The following PDLIM5 variants were observed in gnomAD, a reference collection of about 807,000 sequenced individuals.
PDLIM5 encodes the protein PDZ and LIM domain protein 5.
Under a neutral mutation model 64.2 loss-of-function variants are expected in PDLIM5, and 34 were observed. That is an observed-to-expected ratio of 0.53 (90% CI 0.40 to 0.71). The LOEUF (loss-of-function observed/expected upper bound fraction) is 0.71, where lower values mean the gene tolerates loss of function less well. Among genes scored for constraint, PDLIM5 ranks in the 30% least tolerant of loss-of-function variants. PDLIM5 has a pLI of 0.00. For missense variants in PDLIM5, 683 were observed against 733.6 expected (o/e 0.93, Z 0.80); for synonymous variants, 253 against 269.1 (o/e 0.94, Z 0.59).
Position 94,664,144 on chromosome 4 carries a change from C to T in PDLIM5, c.*77C>T. ...AAAATTACTAATTAATTTTTAGATT[C>T]AATATTTATATGGAGTTTTGAAAAA... is the stretch of plus-strand genomic sequence containing the variant. On this transcript the variant is annotated 3_prime_UTR_variant, in exon 13 of 13. Coordinates refer to ENST00000317968, the MANE Select transcript of PDLIM5 (RefSeq NM_006457.5). 11 of 1,341,820 alleles carry T rather than the reference C, an allele frequency of 8.2e-6. No individual in the cohort carries two copies. Among genetic ancestry groups the T allele is most frequent in the Non-Finnish European group, 1.1e-5 (11 of 1,011,170 alleles). The allele number at this position is 1,341,820 out of a possible 1,614,324, so 83.1% of individuals were successfully genotyped here.
At chr4:94,657,630 A>G in intron 11 of PDLIM5, 83 bp downstream of exon 11, 1 of 956,830 alleles carries the variant, frequency 1.0e-6, no homozygotes, top group Non-Finnish European at 1.6e-6. Flanking sequence ...GCTCAAGAAA[A>G]TATTAGGCAA....
chr4:94,498,710 G>A lies in PDLIM5; in HGVS notation c.97-25014G>A, dbSNP rs528495388. Among the ~76,000 whole-genome samples, 125 of 152,288 alleles carry A rather than the reference G, an allele frequency of 8.2e-4. 4 individuals carry two copies. In the South Asian group the frequency reaches 0.026, roughly 31 times the overall value. ...GTGTGCATCCACTGTAAGATGAGGA[G>A]GGGAAACTGATGTGGGTGGGAAGAC... On this transcript the variant is annotated intron_variant, in intron 2 of 12. Transcript: ENST00000317968.
intron 4 of PDLIM5, chr4:94,573,751 A>G (rs1162440201): frequency 1.3e-5 from 3 of 225,826 alleles, no homozygotes; most frequent in Middle Eastern, 1.7e-3. Flanking sequence ...CTTTAATAAC[A>G]TTTTATTAAT....
chr4:94,585,826 A>C, intron 6 of PDLIM5, 89 bp downstream of exon 6: 1 of 964,362 alleles, frequency 1.0e-6, no homozygotes, highest in South Asian at 1.5e-5. Context: ...TCAGAAAACA[A>C]CCCCGAGACA....
At chr4:94,545,499 A>G (rs184367014) in intron 3 of PDLIM5, among the ~76,000 whole-genome samples, 155 of 152,334 alleles carry the variant, frequency 1.0e-3, no homozygotes, top group Non-Finnish European at 1.1e-3. Flanking sequence ...TGGAAAAATT[A>G]TGAGAAAGAA....
At chr4:94,551,555 A>G (rs1040050956) in intron 3 of PDLIM5, among the ~76,000 whole-genome samples, 32 of 152,250 alleles carry the variant, frequency 2.1e-4, no homozygotes, top group Middle Eastern at 3.4e-3. Flanking sequence ...TTCATAGCCC[A>G]TATTTTTAAC....
chr4:94,538,634 G>A (rs1014025101), intron 3 of PDLIM5, among the ~76,000 whole-genome samples: 4 of 152,166 alleles, frequency 2.6e-5, no homozygotes, highest in African/African-American at 7.2e-5. Flanking sequence ...CTGAGATTGG[G>A]AAATTCTGGA....
intron 7 of PDLIM5, among the ~76,000 whole-genome samples, chr4:94,590,191 G>A (rs938355676): frequency 4.6e-5 from 7 of 152,054 alleles, no homozygotes; most frequent in Non-Finnish European, 8.8e-5. Context: ...GCATTCTTTC[G>A]TGCATCATTG....
chr4:94,558,220 C>T (rs954878509), intron 3 of PDLIM5, among the ~76,000 whole-genome samples: 4 of 152,108 alleles, frequency 2.6e-5, no homozygotes, highest in Admixed American at 6.5e-5. Context: ...TATTGATTTG[C>T]GTATGTTGAA....
chr4:94,482,165 GTTAT>G (rs1009530666), intron 2 of PDLIM5, among the ~76,000 whole-genome samples: 6 of 149,542 alleles, frequency 4.0e-5, no homozygotes, highest in East Asian at 2.0e-4. Context: ...TGTGATTTGG[GTTAT>G]TTATTTATTT....
At chr4:94,483,217 A>G (rs1352185110) in intron 2 of PDLIM5, among the ~76,000 whole-genome samples, 1 of 152,160 alleles carries the variant, frequency 6.6e-6, no homozygotes, top group Non-Finnish European at 1.5e-5. Context: ...AAAATAAGAG[A>G]CTTGTTTTTA....
In PDLIM5 at chr4:94,478,773, G is replaced by A. The variant is rs544962815; in HGVS notation, c.96+23389G>A. ...GGCTATTAAGCAGAAATGGTAGGCC[G>A]CTTGCTGAAATATATAGAATCAGTG... On this transcript the variant is annotated intron_variant, in intron 2 of 12. Transcript: ENST00000317968. Among the ~76,000 whole-genome samples the A allele has an allele frequency of 3.0e-3, 459 of 151,904 alleles. 1 individual carries two copies. Among genetic ancestry groups the A allele is most frequent in the Non-Finnish European group, 3.2e-3 (217 of 67,998 alleles).
rs1430157474 is a variant in PDLIM5 at position 94,634,625 on chromosome 4, CTGAT to C, written c.1109-5649_1109-5646del. Among the ~76,000 whole-genome samples, 5 of 152,308 alleles carry C rather than the reference CTGAT, an allele frequency of 3.3e-5. No individual in the cohort carries two copies. In the East Asian group the frequency reaches 9.6e-4, roughly 29 times the overall value. Reference sequence around the variant, plus strand: ...AATTTTATTTGAACCACAGAATCAACTGATTAACTTCATGCCTATTCAAGTACAG... The same window carrying C: ...AATTTTATTTGAACCACAGAATCAACTAACTTCATGCCTATTCAAGTACAG... On this transcript the variant is annotated intron_variant, in intron 8 of 12. Transcript: ENST00000317968.
chr4:94,606,256 A>G (rs550965734), intron 7 of PDLIM5, among the ~76,000 whole-genome samples: 2 of 152,226 alleles, frequency 1.3e-5, no homozygotes, highest in Non-Finnish European at 2.9e-5. Flanking sequence ...ATTTAAACAA[A>G]TAACGACACA....
At chr4:94,634,192 A>G (rs1245595713) in intron 8 of PDLIM5, among the ~76,000 whole-genome samples, 1 of 152,088 alleles carries the variant, frequency 6.6e-6, no homozygotes, top group Non-Finnish European at 1.5e-5. Flanking sequence ...TACTGACTTC[A>G]TTTTTACTGA....
At chr4:94,647,468 T>C (rs1560763757) in intron 9 of PDLIM5, among the ~76,000 whole-genome samples, 1 of 152,028 alleles carries the variant, frequency 6.6e-6, no homozygotes, top group Non-Finnish European at 1.5e-5. Context: ...TAAACACATA[T>C]TTACCTAACA....
Position 94,666,727 on chromosome 4 carries a change from C to T in PDLIM5, c.*2660C>T, listed in dbSNP as rs1743097360. 1.3e-5 allele frequency: 2 copies of T among 152,156 alleles called. No homozygotes were observed. The allele number at this position is 152,156 out of a possible 1,614,324, so 9.4% of individuals were successfully genotyped here. On this transcript the variant is annotated 3_prime_UTR_variant, in exon 13 of 13. Transcript: ENST00000317968. ...ATTAAGGATGTCATTTTCATCAGAC[C>T]TTCTTTCTACATATTATTCATGAAG...
At chr4:94,543,892 T>C (rs1732070160) in intron 3 of PDLIM5, among the ~76,000 whole-genome samples, 1 of 151,908 alleles carries the variant, frequency 6.6e-6, no homozygotes, top group Admixed American at 6.6e-5. Flanking sequence ...ATTATGGGAA[T>C]ACAGATATCT....
At chr4:94,585,458 G>T in intron 5 of PDLIM5, 107 bp from the exon 6 acceptor site, 2 of 661,854 alleles carry the variant, frequency 3.0e-6, no homozygotes, top group African/African-American at 1.8e-5. Context: ...TATATAAAAG[G>T]AATATTGAAG....
Sources: gnomAD v4.1 joint callset for allele counts (sites outside exome capture counted in the v4.1 genomes callset) on GRCh38, gnomAD v4.1.1 for gene constraint, MANE v1.5 for transcripts, NCBI Gene and HGNC (gene_info 2026-07-23, HGNC 2026-07-21) for gene names.